Variants in ME1 observed in about 807,000 individuals in gnomAD.
ME1 encodes the protein NADP-dependent malic enzyme.
In ME1, 74 loss-of-function variants were observed where a neutral mutation model predicts 66.4. The ratio of observed to expected loss-of-function variants is 1.11; its 90% CI spans 0.92 to 1.35. The LOEUF (loss-of-function observed/expected upper bound fraction) is 1.35, where lower values mean the gene tolerates loss of function less well. ME1 is among the 40% of genes most tolerant of loss of function. The pLI, the probability that ME1 is intolerant of heterozygous loss-of-function variation, is 0.00. For missense variants in ME1, 750 were observed against 694.1 expected (o/e 1.08, Z -0.90); for synonymous variants, 251 against 235.6 (o/e 1.07, Z -0.60).
chr6:83,402,800 A>G (rs1769861938), intron 2 of ME1, among the ~76,000 whole-genome samples: 1 of 152,208 alleles, frequency 6.6e-6, no homozygotes, highest in Non-Finnish European at 1.5e-5. Flanking sequence ...CAGCTGAGAT[A>G]CTTGCTGAGG....
intron 6 of ME1, among the ~76,000 whole-genome samples, chr6:83,297,592 A>T (rs891056692): frequency 9.0e-5 from 10 of 110,732 alleles, no homozygotes; most frequent in African/African-American, 3.9e-4. Flanking sequence ...CTTTTTTTTT[A>T]AATATTATTT....
intron 12 of ME1, among the ~76,000 whole-genome samples, chr6:83,219,925 A>C (rs1790058910): frequency 6.6e-6 from 1 of 152,062 alleles, no homozygotes; most frequent in Admixed American, 6.6e-5. Context: ...TAGGCAGCCC[A>C]CATGGCCAAA....
chr6:83,327,918 C>T (rs904835927), intron 5 of ME1, among the ~76,000 whole-genome samples: 7 of 152,264 alleles, frequency 4.6e-5, no homozygotes, highest in African/African-American at 1.7e-4. Context: ...ATTTCTCAAG[C>T]CAGCCGATGC....
chr6:83,305,772 T>C lies in ME1; in HGVS notation c.704+9538A>G, dbSNP rs80282840. The stretch of plus-strand genomic sequence containing the variant: ...AGTTGCAATTAGGGTTTCAATTTCC[T>C]ACAGAACCAAAAAAGTACCCTTAAT... On this transcript the variant is annotated intron_variant, in intron 6 of 13. Transcript: ENST00000369705. 7.2e-5 allele frequency among the ~76,000 whole-genome samples: 11 copies of C among 152,296 alleles called. No homozygotes were observed. In the East Asian group the frequency reaches 2.1e-3, roughly 29 times the overall value.
At chr6:83,260,253 C>T (rs1766859194) in intron 6 of ME1, among the ~76,000 whole-genome samples, 1 of 151,188 alleles carries the variant, frequency 6.6e-6, no homozygotes, top group Non-Finnish European at 1.5e-5. Context: ...AATAGCAAAC[C>T]TAAGAGATTC....
Position 83,306,982 on chromosome 6 carries a change from C to A in ME1, c.704+8328G>T, listed in dbSNP as rs77059583. ...AAATGGAATTAGGCACAAAAAGCAT[C>A]TAAAAGGAAGAGTTGTAAACCATGT... On this transcript the variant is annotated intron_variant, in intron 6 of 13. Coordinates refer to ENST00000369705, the MANE Select transcript of ME1 (RefSeq NM_002395.6). 4.6e-4 allele frequency among the ~76,000 whole-genome samples: 70 copies of A among 152,106 alleles called. No individual in the cohort carries two copies. In the East Asian group the frequency reaches 0.013, roughly 29 times the overall value.
At chr6:83,378,366 A>T (rs1403832322) in intron 3 of ME1, among the ~76,000 whole-genome samples, 1 of 152,194 alleles carries the variant, frequency 6.6e-6, no homozygotes, top group Non-Finnish European at 1.5e-5. Context: ...GAATTTATCA[A>T]ATGGGTCTTT....
intron 1 of ME1, among the ~76,000 whole-genome samples, chr6:83,426,408 A>G (rs1295569623): frequency 6.6e-6 from 1 of 152,248 alleles, no homozygotes; most frequent in African/African-American, 2.4e-5. Context: ...CAGCAAGGTA[A>G]CAAACATATA....
chr6:83,389,499 T>C (rs984581097), intron 3 of ME1, among the ~76,000 whole-genome samples: 1 of 152,174 alleles, frequency 6.6e-6, no homozygotes, highest in African/African-American at 2.4e-5. Context: ...CATATTTTGA[T>C]AGAACATTAG....
chr6:83,294,599 C>A (rs1316920510), intron 6 of ME1, among the ~76,000 whole-genome samples: 1 of 152,128 alleles, frequency 6.6e-6, no homozygotes, highest in Non-Finnish European at 1.5e-5. Flanking sequence ...CGTGGAGAAC[C>A]CAGGGGCAAC....
intron 6 of ME1, among the ~76,000 whole-genome samples, chr6:83,269,305 A>G (rs1313356621): frequency 6.6e-6 from 1 of 152,164 alleles, no homozygotes; most frequent in African/African-American, 2.4e-5. Context: ...CAAGACATAT[A>G]TAATAAAGTA....
At position 83,398,388 on chromosome 6, in the gene ME1, C is replaced by G. The variant is rs189895509; in HGVS notation, c.341G>C (p.Ser114Thr). The G allele has an allele frequency of 1.8e-4, 282 of 1,584,248 alleles. 1 individual carries two copies. Among genetic ancestry groups the G allele is most frequent in the Non-Finnish European group, 8.6e-6 (10 of 1,169,152 alleles). The change falls in exon 3 of 14, where the codon AGT becomes ACT. Residue 114 changes from serine to threonine, a missense_variant. Transcript: ENST00000369705. ...PTVGLACQQY[S>T]LVFRKPRGLF... ...ATACCTTGGCTTCCGAAACACCAAACTATATTGTTGGCAAGCCAGACCCAC... is the reference window on the plus strand; with the variant it reads ...ATACCTTGGCTTCCGAAACACCAAAGTATATTGTTGGCAAGCCAGACCCAC...
intron 5 of ME1, among the ~76,000 whole-genome samples, chr6:83,323,700 A>T (rs1253438283): frequency 6.6e-6 from 1 of 152,128 alleles, no homozygotes; most frequent in Non-Finnish European, 1.5e-5. Flanking sequence ...GTTCATAGAG[A>T]CCTACAAAAA....
intron 13 of ME1, among the ~76,000 whole-genome samples, chr6:83,213,749 A>G (rs989454200): frequency 2.0e-5 from 3 of 152,214 alleles, no homozygotes; most frequent in Non-Finnish European, 4.4e-5. Flanking sequence ...CAGAATGATT[A>G]TCTCATCTCA....
intron 5 of ME1, among the ~76,000 whole-genome samples, chr6:83,320,738 A>C (rs1408507659): frequency 6.6e-6 from 1 of 152,166 alleles, no homozygotes; most frequent in African/African-American, 2.4e-5. Flanking sequence ...CTCCTTTCCC[A>C]TGTTAATAAT....
intron 6 of ME1, among the ~76,000 whole-genome samples, chr6:83,284,177 T>C (rs953756957): frequency 2.6e-5 from 4 of 152,020 alleles, no homozygotes; most frequent in African/African-American, 9.7e-5. Flanking sequence ...TTCCCAAGAT[T>C]GAATCAGGAA....
chr6:83,303,686 A>C (rs1316810551), intron 6 of ME1, among the ~76,000 whole-genome samples: 1 of 121,426 alleles, frequency 8.2e-6, no homozygotes, highest in East Asian at 2.3e-4. Flanking sequence ...TGTTGAAACA[A>C]AATACGATTT....
At chr6:83,393,250 C>A (rs1170527626) in intron 3 of ME1, 3 of 1,157,452 alleles carry the variant, frequency 2.6e-6, no homozygotes, top group Non-Finnish European at 2.6e-6. Context: ...CAGGTGGTCT[C>A]CTCCAACTTC....
chr6:83,345,788 G>T (rs982480027), intron 5 of ME1, among the ~76,000 whole-genome samples: 4 of 151,958 alleles, frequency 2.6e-5, no homozygotes, highest in Admixed American at 2.6e-4. Flanking sequence ...TCTATTTTAG[G>T]TTCAATATGG....
Sources: allele counts gnomAD v4.1 joint callset (sites outside exome capture counted in the v4.1 genomes callset), GRCh38; gene constraint gnomAD v4.1.1; transcripts MANE v1.5; gene names NCBI Gene and HGNC (gene_info 2026-07-23, HGNC 2026-07-21).